The following NEB variants were observed in gnomAD, a reference collection of about 807,000 sequenced individuals.
NEB encodes the protein nemaline myopathy type 2.
NEB carries 512 observed loss-of-function variants against 952.2 expected under a neutral mutation model. The ratio of observed to expected loss-of-function variants is 0.54; its 90% CI spans 0.50 to 0.58. The LOEUF (loss-of-function observed/expected upper bound fraction) is 0.58. Among genes scored for constraint, NEB ranks in the 20% least tolerant of loss-of-function variants. NEB has a pLI of 0.00. For synonymous variants in NEB, 2,900 were observed against 3,149.8 expected (o/e 0.92, Z 2.66); for missense variants, 8,428 against 9,231.1 (o/e 0.91, Z 3.56).
At chr2:151,673,102 A>G (rs1209356012) in intron 36 of NEB, among the ~76,000 whole-genome samples, 1 of 152,210 alleles carries the variant, frequency 6.6e-6, no homozygotes, top group Admixed American at 6.5e-5. Context: ...TCCTTTTATC[A>G]GCAGCTGCTT....
Position 151,490,088 on chromosome 2 carries a change from G to C in NEB, c.25298-11C>G. ...TTGCATGTTTGTAAGCTGAAAAAAA[G>C]GGGGCAAATTCTTTATAAGAAGAAA... On this transcript the variant is annotated splice_polypyrimidine_tract_variant and intron_variant, in intron 180 of 181. Transcript: ENST00000397345. 1 of 1,586,418 alleles carries C rather than the reference G, an allele frequency of 6.3e-7. No homozygotes were observed. Among genetic ancestry groups the C allele is most frequent in the Non-Finnish European group, 8.6e-7 (1 of 1,160,676 alleles).
rs1171468031 is a variant in NEB, at chr2:151,565,733, G to C, written c.18244C>G (p.Gln6082Glu). ...TTGCGTACCTGACTCATCATTTCCT[G>C]GTTCTTAGTAACCCTTACATGGTCC... ...SVDHVRVTKN[Q>E]EMMSQIKYKK... is the part of the protein sequence containing the mutation. Residue 6082 changes from glutamine (Q) to glutamate (E), a missense_variant, in exon 115 of 182, where the codon CAG (glutamine) becomes GAG (glutamate). By Grantham distance (29) the Gln-to-Glu change is conservative. Coordinates refer to ENST00000397345, the MANE Select transcript of NEB (RefSeq NM_001164508.2). 1 of 1,612,236 alleles carries C rather than the reference G, an allele frequency of 6.2e-7. No homozygotes were observed. The highest frequency in any genetic ancestry group is 1.7e-5 in the Admixed American group (1 of 59,752).
At position 151,659,033 on chromosome 2, in the gene NEB, A is replaced by G. The variant is rs752655488; in HGVS notation, c.6075+32T>C. On this transcript the variant is annotated intron_variant, in intron 47 of 181. Coordinates refer to ENST00000397345, the MANE Select transcript of NEB (RefSeq NM_001164508.2). Reference sequence around the variant, plus strand: ...TCTTACTGGTTCAAATCTGCTGGAGAGAAAGATGACAACAGGGGGAACTAT... The same window carrying G: ...TCTTACTGGTTCAAATCTGCTGGAGGGAAAGATGACAACAGGGGGAACTAT... 11 of 1,404,328 alleles carry G rather than the reference A, an allele frequency of 7.8e-6. No individual in the cohort carries two copies. The East Asian group carries it at 2.3e-4, about 29-fold the overall frequency. 87.0% of individuals were successfully genotyped at this position (1,404,328 alleles called of 1,614,324 possible). A position where few individuals can be genotyped will look rare whatever the true frequency, so the allele number is the denominator to read the frequency against.
chr2:151,523,479 G>A (rs753000183), intron 153 of NEB, among the ~76,000 whole-genome samples: 25 of 152,118 alleles, frequency 1.6e-4, no homozygotes, highest in Non-Finnish European at 1.2e-4. Flanking sequence ...ATACCTGAGA[G>A]GACAAGGAAA....
At chr2:151,620,173 A>G (rs2098361119) in intron 72 of NEB, among the ~76,000 whole-genome samples, 2 of 151,744 alleles carry the variant, frequency 1.3e-5, no homozygotes, top group Admixed American at 6.6e-5. Flanking sequence ...ATTTGGGAGA[A>G]ATAGTTTTAA....
rs533494950 is a variant in NEB, at chr2:151,570,331, C to A, written c.17180G>T (p.Arg5727Met). ...KGHYVGTLTA[R>M]DDNKIRWALI... ...GGCCCAGCGGATCTTGTTGTCATCC[C>A]TGGCTGTGAGGGTGCCCACGTAGTG... Residue 5727 changes from arginine (R) to methionine (M), a missense_variant, in exon 109 of 182, where the codon AGG becomes ATG. By Grantham distance (91) the Arg-to-Met change is moderately conservative. Coordinates refer to ENST00000397345, the MANE Select transcript of NEB (RefSeq NM_001164508.2). The A allele has an allele frequency of 6.2e-7, 1 of 1,606,166 alleles. No homozygotes were observed. The highest frequency in any genetic ancestry group is 1.3e-5 in the African/African-American group (1 of 74,832).
intron 107 of NEB, among the ~76,000 whole-genome samples, chr2:151,572,050 A>C (rs1163202945): frequency 6.6e-6 from 1 of 152,240 alleles, no homozygotes; most frequent in African/African-American, 2.4e-5. Context: ...GGCTGGGTGC[A>C]GTGGCTTACG....
chr2:151,633,582 T>G, intron 65 of NEB, 72 bp downstream of exon 65: 5 of 1,521,390 alleles, frequency 3.3e-6, no homozygotes, highest in Non-Finnish European at 4.4e-6. Context: ...TAATGGATTG[T>G]ATATAAAGGA....
At chr2:151,532,480 G>A (rs1674733745) in intron 143 of NEB, among the ~76,000 whole-genome samples, 2 of 152,126 alleles carry the variant, frequency 1.3e-5, no homozygotes, top group Non-Finnish European at 2.9e-5. Context: ...AAATTCATTT[G>A]TTTTTGCAAT....
rs767789143 is a variant in NEB at position 151,541,407 on chromosome 2, G to GTGA, written c.20682+37_20682+39dup. On this transcript the variant is annotated intron_variant, in intron 136 of 181. Coordinates refer to ENST00000397345, the MANE Select transcript of NEB (RefSeq NM_001164508.2). ...GGCCAGGCACATATAATCACCCCCT[G>GTGA]TGATGCCTGAGTGGCAGGCTTATGA... 7.3e-6 allele frequency: 11 copies of GTGA among 1,507,720 alleles called. No individual in the cohort carries two copies. In the Admixed American group the frequency reaches 1.9e-4, roughly 26 times the overall value. The allele number at this position is 1,507,720 out of a possible 1,614,324, so 93.4% of individuals were successfully genotyped here.
intron 107 of NEB, among the ~76,000 whole-genome samples, chr2:151,574,032 G>A (rs530215033): frequency 8.5e-5 from 13 of 152,222 alleles, no homozygotes; most frequent in African/African-American, 2.9e-4. Flanking sequence ...GGAGTACAGT[G>A]GCGTGATCTC....
chr2:151,625,509 AAAGAAAT>A lies in NEB; in HGVS notation c.10452+18_10452+24del, dbSNP rs1367169510. 6.6e-7 allele frequency: 1 copy of A among 1,519,252 alleles called. No homozygotes were observed. The highest frequency in any genetic ancestry group is 9.0e-7 in the Non-Finnish European group (1 of 1,107,710). 94.1% of individuals were successfully genotyped at this position (1,519,252 alleles called of 1,614,324 possible). On this transcript the variant is annotated intron_variant, in intron 71 of 181. Transcript: ENST00000397345. ...CGGCAACAATCAATGTGGCCAGACC[AAAGAAAT>A]AAAACAAATGATCTTACCTCACTAT...
intron 37 of NEB, among the ~76,000 whole-genome samples, chr2:151,672,075 A>G (rs2099308181): frequency 6.6e-6 from 1 of 152,082 alleles, no homozygotes; most frequent in South Asian, 2.1e-4. Context: ...CAGCCAACCC[A>G]TCAGGAATAC....
intron 64 of NEB, among the ~76,000 whole-genome samples, chr2:151,634,981 C>T (rs943511689): frequency 5.3e-5 from 8 of 151,970 alleles, no homozygotes; most frequent in Non-Finnish European, 8.8e-5. Flanking sequence ...GACAACTGAC[C>T]GAGAAAGTGT....
rs773899245 is a variant in NEB, at chr2:151,490,432, C to G, written c.25237G>C (p.Glu8413Gln). The change falls in exon 180 of 182, where the codon GAA becomes CAA. Residue 8413 changes from glutamate (E) to glutamine (Q), a missense_variant. By Grantham distance (29) the Glu-to-Gln change is conservative (BLOSUM62 2). Around this residue, in one of 11 missense-constraint regions of NEB, gnomAD observed 3,374 missense variants for 3,651.5 expected, o/e 0.92. Transcript: ENST00000397345. Reference sequence around the variant, plus strand: ...GTCGAAAGGTGGTGGTCTGGTGCTTCTGAATGCTCAGACTTCTCCTCACCC... The same window carrying G: ...GTCGAAAGGTGGTGGTCTGGTGCTTGTGAATGCTCAGACTTCTCCTCACCC... ...SGGEEKSEHSEAPDHHLSTYS... is the reference protein window; with the variant it reads ...SGGEEKSEHSQAPDHHLSTYS... 1.2e-6 allele frequency: 2 copies of G among 1,603,486 alleles called. No homozygotes were observed. The highest frequency in any genetic ancestry group is 2.3e-5 in the East Asian group (1 of 44,428).
At chr2:151,672,328 T>G (rs778528236) in intron 37 of NEB, 41 bp downstream of exon 37, 1 of 1,508,960 alleles carries the variant, frequency 6.6e-7, no homozygotes, top group South Asian at 1.3e-5. Context: ...GATCATCCTT[T>G]AAGTGCAAAC....
intron 127 of NEB, 78 bp downstream of exon 127, chr2:151,553,320 T>A (rs2095444943): frequency 8.3e-7 from 1 of 1,202,048 alleles, no homozygotes. Context: ...ACAATGTCCC[T>A]ATTTTACATA....
At position 151,642,799 on chromosome 2, in the gene NEB, A is replaced by T; in HGVS notation, c.8231T>A (p.Leu2744Ter). ...VHIMPDTPEV[L>*]LAKQNKVNYS... ...ATTTACTTTGTTTTGTTTAGCTAATAAAACTTCAGGGGTATCTGGCATAAT... is the reference window on the plus strand; with the variant it reads ...ATTTACTTTGTTTTGTTTAGCTAATTAAACTTCAGGGGTATCTGGCATAAT... The change falls in exon 59 of 182, where the codon TTA becomes TAA. Residue 2744 changes from leucine to a stop codon, truncating the protein, a stop_gained. Coordinates refer to ENST00000397345, the MANE Select transcript of NEB (RefSeq NM_001164508.2). LOFTEE classifies it high-confidence loss of function. 1 of 1,612,842 alleles carries T rather than the reference A, an allele frequency of 6.2e-7. No homozygotes were observed. The highest frequency in any genetic ancestry group is 8.5e-7 in the Non-Finnish European group (1 of 1,179,194).
intron 25 of NEB, 41 bp from the exon 26 acceptor site, chr2:151,687,774 A>T: frequency 1.3e-6 from 2 of 1,504,968 alleles, no homozygotes; most frequent in Non-Finnish European, 1.8e-6. Flanking sequence ...TAAGAACAAC[A>T]GTGTAATCCA....
Sources: gnomAD v4.1 joint callset for allele counts (sites outside exome capture counted in the v4.1 genomes callset) on GRCh38, gnomAD v4.1.1 for gene constraint, gnomAD v4.1.1 regional missense constraint, MANE v1.5 for transcripts, NCBI Gene and HGNC (gene_info 2026-07-23, HGNC 2026-07-21) for gene names.